Variants in LMO7 observed in about 807,000 individuals in gnomAD.
The protein encoded by LMO7 is LIM domain only protein 7.
Under a neutral mutation model 206.5 loss-of-function variants are expected in LMO7, and 120 were observed. That is an observed-to-expected ratio of 0.58 (90% CI 0.50 to 0.68). The LOEUF (loss-of-function observed/expected upper bound fraction) is 0.68, where lower values mean the gene tolerates loss of function less well. Ranked by LOEUF, LMO7 falls within the 30% of genes least tolerant of loss-of-function variation. LMO7 has a pLI of 0.00. For missense variants in LMO7, 1,959 were observed against 1,957.9 expected, an observed-to-expected ratio of 1.00 and a Z score of -0.01; for synonymous variants, 706 against 681.5, an observed-to-expected ratio of 1.04 and a Z score of -0.56.
upstream of LMO7, chr13:75,631,591 A>G: frequency 6.6e-6 from 1 of 152,420 alleles, no homozygotes; most frequent in Non-Finnish European, 1.5e-5. Context: ...CTGCAGCCTC[A>G]GCAGACCCCA....
At chr13:75,691,203 G>A (rs2041446701) in intron 1 of LMO7, among the ~76,000 whole-genome samples, 1 of 152,140 alleles carries the variant, frequency 6.6e-6, no homozygotes, top group Admixed American at 6.5e-5. Context: ...AAAAAAATTA[G>A]TTTTGCTTCA....
chr13:75,774,061 CT>C (rs2050077525), intron 4 of LMO7, among the ~76,000 whole-genome samples: 1 of 151,982 alleles, frequency 6.6e-6, no homozygotes, highest in Non-Finnish European at 1.5e-5. Context: ...CCATCTTTGC[CT>C]TTTGTTTTAC....
intron 2 of LMO7, among the ~76,000 whole-genome samples, chr13:75,724,528 T>C (rs943155745): frequency 6.6e-6 from 1 of 152,190 alleles, no homozygotes; most frequent in African/African-American, 2.4e-5. Flanking sequence ...ATATGTGTGA[T>C]TGAAGATTGC....
rs1339141335 is a variant in LMO7, at chr13:75,849,040, G to T, written c.4151-39G>T. The T allele has an allele frequency of 4.1e-6, 5 of 1,225,222 alleles. No individual in the cohort carries two copies. The African/African-American group carries it at 7.6e-5, about 19-fold the overall frequency. The allele number at this position is 1,225,222 out of a possible 1,614,324, so 75.9% of individuals were successfully genotyped here. The stretch of plus-strand genomic sequence containing the variant: ...TCAATCATCACTGTCACTTTTAAAA[G>T]GTACTAATCCCAAAGCTTTTGATTT... On this transcript the variant is annotated intron_variant, in intron 26 of 30. Coordinates refer to ENST00000377534, the MANE Select transcript of LMO7 (RefSeq NM_001306080.2).
chr13:75,656,039 GA>G (rs965974604), intron 1 of LMO7, among the ~76,000 whole-genome samples: 23 of 152,248 alleles, frequency 1.5e-4, no homozygotes, highest in African/African-American at 5.3e-4. Context: ...CTGCCTTCAG[GA>G]AAACATCTCT....
At chr13:75,776,128 T>C (rs550137499) in intron 4 of LMO7, among the ~76,000 whole-genome samples, 876 of 82,630 alleles carry the variant, frequency 0.011, 13 homozygotes, top group Non-Finnish European at 0.018. Flanking sequence ...CATACATACA[T>C]ATATATATAT....
chr13:75,643,488 T>C (rs968567633), intron 1 of LMO7, among the ~76,000 whole-genome samples: 4 of 152,320 alleles, frequency 2.6e-5, no homozygotes, highest in Non-Finnish European at 5.9e-5. Context: ...TGAATGAATG[T>C]TTTGTGTCCA....
intron 1 of LMO7, among the ~76,000 whole-genome samples, chr13:75,706,210 A>G (rs9573625): frequency 0.078 from 11,806 of 152,160 alleles, 1,014 homozygotes; most frequent in African/African-American, 0.21. Context: ...AGGCATCCTA[A>G]TTCCAGTGCC....
rs546064489 is a variant in LMO7 at position 75,781,854 on chromosome 13, G to T, written c.318-13547G>T. ...TGAGATGGTATCTCATTGTGGTTTT[G>T]ATTTGCATTTCTCTGATGGCCAGTG... On this transcript the variant is annotated intron_variant, in intron 4 of 30. Coordinates refer to ENST00000377534, the MANE Select transcript of LMO7 (RefSeq NM_001306080.2). Among the ~76,000 whole-genome samples the T allele has an allele frequency of 1.2e-3, 185 of 152,278 alleles. 1 individual carries two copies. In the Middle Eastern group the frequency reaches 0.024, roughly 20 times the overall value.
At position 75,804,335 on chromosome 13, in the gene LMO7, T is replaced by G; in HGVS notation, c.708T>G (p.Asp236Glu). Residue 236 changes from aspartate to glutamate, a missense_variant, in exon 8 of 31, where the codon GAT becomes GAG. Asp to Glu is a conservative substitution (Grantham distance 45, BLOSUM62 2). Coordinates refer to ENST00000377534, the MANE Select transcript of LMO7 (RefSeq NM_001306080.2). ...TDSEFTFKMQ[D>E]YNKDDMSYRR... ...CGGAATTTACATTTAAGATGCAGGA[T>G]TATAATAAAGATGATATGTCGTATC... 1 of 1,613,804 alleles carries G rather than the reference T, an allele frequency of 6.2e-7. No individual in the cohort carries two copies. The highest frequency in any genetic ancestry group is 8.5e-7 in the Non-Finnish European group (1 of 1,179,714).
At chr13:75,812,773 A>AT (rs1168504331) in intron 11 of LMO7, among the ~76,000 whole-genome samples, 8 of 152,294 alleles carry the variant, frequency 5.3e-5, no homozygotes, top group Admixed American at 2.0e-4. Context: ...CTAGATCTGT[A>AT]TTTTTTGGAA....
intron 2 of LMO7, among the ~76,000 whole-genome samples, chr13:75,721,352 G>A (rs1441687684): frequency 6.6e-6 from 1 of 152,136 alleles, no homozygotes; most frequent in African/African-American, 2.4e-5. Context: ...CCTATGAAAT[G>A]CCAGGTTTTT....
intron 2 of LMO7, chr13:75,627,248 T>A (rs980593621): frequency 6.6e-6 from 1 of 152,196 alleles, no homozygotes; most frequent in Non-Finnish European, 1.5e-5. Context: ...CAGTAGTCAA[T>A]AAATTACATA....
At chr13:75,773,013 G>A (rs2049952745) in intron 4 of LMO7, among the ~76,000 whole-genome samples, 1 of 152,110 alleles carries the variant, frequency 6.6e-6, no homozygotes, top group South Asian at 2.1e-4. Flanking sequence ...ACATGATGGA[G>A]TGAGAGTTTA....
At chr13:75,656,183 C>T (rs2038049742) in intron 1 of LMO7, among the ~76,000 whole-genome samples, 1 of 152,194 alleles carries the variant, frequency 6.6e-6, no homozygotes. Context: ...TCTTCGTCTT[C>T]CAGTTCTCCC....
chr13:75,711,419 C>T (rs549641847), intron 1 of LMO7, among the ~76,000 whole-genome samples: 281 of 152,292 alleles, frequency 1.8e-3, no homozygotes, highest in Non-Finnish European at 3.2e-3. Context: ...GCTGTGAATC[C>T]ATCTGGTCCT....
chr13:75,636,637 T>TCTCC lies in LMO7; in HGVS notation c.-14_-11dup, dbSNP rs2035896894. The TCTCC allele has an allele frequency of 6.3e-7, 1 of 1,576,616 alleles. No individual in the cohort carries two copies. The highest frequency in any genetic ancestry group is 1.3e-5 in the African/African-American group (1 of 74,360). Reference sequence around the variant, plus strand: ...CCCCTCCACGCATCCCGAGTCTCTCTCTCCCTCCCTTGTCCTAGCCATGGA... The same window carrying TCTCC: ...CCCCTCCACGCATCCCGAGTCTCTCTCTCCCTCCCTCCCTTGTCCTAGCCATGGA... On this transcript the variant is annotated 5_prime_UTR_variant, in exon 1 of 31. Coordinates refer to ENST00000377534, the MANE Select transcript of LMO7 (RefSeq NM_001306080.2).
chr13:75,625,028 A>G (rs987002270), intron 2 of LMO7, among the ~76,000 whole-genome samples: 5 of 152,246 alleles, frequency 3.3e-5, no homozygotes, highest in Non-Finnish European at 5.9e-5. Flanking sequence ...GAGGTTTCTC[A>G]GCCAGTAGGA....
intron 4 of LMO7, among the ~76,000 whole-genome samples, chr13:75,775,286 C>G (rs1232792634): frequency 1.3e-5 from 2 of 151,846 alleles, no homozygotes; most frequent in African/African-American, 2.4e-5. Flanking sequence ...AACCACACTT[C>G]TCACCGTATA....
Sources: allele counts gnomAD v4.1 joint callset (sites outside exome capture counted in the v4.1 genomes callset), GRCh38; gene constraint gnomAD v4.1.1; transcripts MANE v1.5; gene names NCBI Gene and HGNC (gene_info 2026-07-23, HGNC 2026-07-21).